SLIT2: variants seen among roughly 807,000 people sequenced by gnomAD.
The protein encoded by SLIT2 is slit homolog 2 protein.
SLIT2 carries 41 observed loss-of-function variants against 185.7 expected under a neutral mutation model. That is an observed-to-expected ratio of 0.22 (90% CI 0.17 to 0.29). SLIT2 has a LOEUF of 0.29. Among genes scored for constraint, SLIT2 ranks in the 10% least tolerant of loss-of-function variants. The pLI is 1.00. For missense variants in SLIT2, 1,571 were observed against 1,909.0 expected (o/e 0.82, Z 3.30); for synonymous variants, 693 against 680.2 (o/e 1.02, Z -0.29).
At chr4:20,357,890 A>T (rs1353229417) in intron 4 of SLIT2, among the ~76,000 whole-genome samples, 1 of 152,118 alleles carries the variant, frequency 6.6e-6, no homozygotes, top group African/African-American at 2.4e-5. Context: ...TGGTTATTAG[A>T]TTTTAAAGTT....
chr4:20,394,229 A>G (rs868852406), intron 4 of SLIT2, among the ~76,000 whole-genome samples: 3 of 152,040 alleles, frequency 2.0e-5, no homozygotes, highest in South Asian at 2.1e-4. Flanking sequence ...TTGAAAATAT[A>G]TAACTACTAA....
At chr4:20,381,732 T>C (rs1054558920) in intron 4 of SLIT2, among the ~76,000 whole-genome samples, 2 of 152,128 alleles carry the variant, frequency 1.3e-5, no homozygotes, top group Non-Finnish European at 2.9e-5. Context: ...TATGTCTTCA[T>C]TGGTGAATTC....
chr4:20,371,251 A>G (rs1270583343), intron 4 of SLIT2, among the ~76,000 whole-genome samples: 1 of 151,982 alleles, frequency 6.6e-6, no homozygotes, highest in Non-Finnish European at 1.5e-5. Context: ...GTTCTCACAC[A>G]GTCACTCATA....
intron 4 of SLIT2, among the ~76,000 whole-genome samples, chr4:20,381,317 G>T (rs942895545): frequency 3.3e-5 from 5 of 151,896 alleles, no homozygotes; most frequent in Admixed American, 2.6e-4. Flanking sequence ...TTAAAAGCAG[G>T]CAGAGAAATC....
chr4:20,617,544 C>T lies in SLIT2; in HGVS notation c.4242C>T (p.Asn1414=). The change falls in exon 36 of 37, where the codon AAC becomes AAT. Residue 1414 remains asparagine, a synonymous_variant. Coordinates refer to ENST00000504154, the MANE Select transcript of SLIT2 (RefSeq NM_004787.4). ...GTGATGAAGAGGAGGATCTGTTTAA[C>T]CCATGCCAGGCGATCAAGTGCAAGC... ...VLCDEEEDLF[N]PCQAIKCKHG... is the part of the protein sequence containing the mutation. The T allele has an allele frequency of 1.9e-6, 3 of 1,614,012 alleles. No homozygotes were observed. The highest frequency in any genetic ancestry group is 2.5e-6 in the Non-Finnish European group (3 of 1,179,986).
chr4:20,588,718 T>G (rs549152490), intron 29 of SLIT2, among the ~76,000 whole-genome samples: 1 of 152,334 alleles, frequency 6.6e-6, no homozygotes, highest in African/African-American at 2.4e-5. Context: ...CTAATGTATG[T>G]GAAATAATAA....
intron 4 of SLIT2, among the ~76,000 whole-genome samples, chr4:20,430,050 A>G (rs1728853456): frequency 6.6e-6 from 1 of 152,252 alleles, no homozygotes; most frequent in African/African-American, 2.4e-5. Context: ...TTACAATTGT[A>G]TAGAACATAA....
At chr4:20,525,210 C>G in intron 15 of SLIT2, 38 bp downstream of exon 15, 1 of 1,435,758 alleles carries the variant, frequency 7.0e-7, no homozygotes. Flanking sequence ...CTACAGACAC[C>G]CTTTCCTCAC....
chr4:20,397,029 T>C (rs533136057), intron 4 of SLIT2, among the ~76,000 whole-genome samples: 54 of 151,710 alleles, frequency 3.6e-4, no homozygotes, highest in South Asian at 6.2e-4. Context: ...TAATTATATA[T>C]TACTCTTTGT....
At chr4:20,603,236 C>G (rs927877926) in intron 33 of SLIT2, among the ~76,000 whole-genome samples, 7 of 152,194 alleles carry the variant, frequency 4.6e-5, no homozygotes, top group South Asian at 2.1e-4. Flanking sequence ...AAAACCATCA[C>G]ATCTCGTGAG....
intron 4 of SLIT2, among the ~76,000 whole-genome samples, chr4:20,377,775 G>C (rs6851454): frequency 0.22 from 32,733 of 152,104 alleles, 3,815 homozygotes; most frequent in Non-Finnish European, 0.28. Context: ...GGAGGTAGTT[G>C]GTTTCTCAGA....
chr4:20,468,422 A>T (rs1447836055), intron 5 of SLIT2, among the ~76,000 whole-genome samples: 2 of 152,076 alleles, frequency 1.3e-5, no homozygotes, highest in African/African-American at 2.4e-5. Context: ...TATTTCTTAC[A>T]CTTTCCCTCA....
At chr4:20,402,873 T>C (rs954870695) in intron 4 of SLIT2, among the ~76,000 whole-genome samples, 1 of 151,838 alleles carries the variant, frequency 6.6e-6, no homozygotes, top group Non-Finnish European at 1.5e-5. Flanking sequence ...AAGTACTTTA[T>C]AAGCTTTAAA....
At chr4:20,350,987 A>C (rs1043567794) in intron 4 of SLIT2, among the ~76,000 whole-genome samples, 1 of 152,250 alleles carries the variant, frequency 6.6e-6, no homozygotes, top group East Asian at 1.9e-4. Flanking sequence ...TGTTCACAGT[A>C]GATCTGGAAC....
intron 7 of SLIT2, among the ~76,000 whole-genome samples, chr4:20,487,700 T>A (rs1717375986): frequency 6.6e-6 from 1 of 152,184 alleles, no homozygotes; most frequent in African/African-American, 2.4e-5. Context: ...AGCTTTTTGT[T>A]CTGTGGTACG....
intron 4 of SLIT2, among the ~76,000 whole-genome samples, chr4:20,452,697 C>A (rs1027720842): frequency 6.6e-6 from 1 of 152,156 alleles, no homozygotes; most frequent in Non-Finnish European, 1.5e-5. Flanking sequence ...CAGCTTTCAG[C>A]CATTTCTTTG....
intron 4 of SLIT2, among the ~76,000 whole-genome samples, chr4:20,290,704 T>C (rs1269840975): frequency 6.6e-6 from 1 of 151,894 alleles, no homozygotes; most frequent in Non-Finnish European, 1.5e-5. Flanking sequence ...GCTTGGTAAA[T>C]ATGCGTTGAA....
At chr4:20,258,267 T>C (rs1368540957) in intron 3 of SLIT2, among the ~76,000 whole-genome samples, 1 of 151,838 alleles carries the variant, frequency 6.6e-6, no homozygotes, top group African/African-American at 2.4e-5. Flanking sequence ...AAGGTGGTAC[T>C]TTTATTTGCG....
chr4:20,503,401 T>A (rs895074487), intron 9 of SLIT2, among the ~76,000 whole-genome samples: 2 of 152,178 alleles, frequency 1.3e-5, no homozygotes, highest in Admixed American at 6.6e-5. Flanking sequence ...AGTGTCTAAT[T>A]CATAGTAAGT....
Sources: gnomAD v4.1 joint callset for allele counts (sites outside exome capture counted in the v4.1 genomes callset) on GRCh38, gnomAD v4.1.1 for gene constraint, MANE v1.5 for transcripts, NCBI Gene and HGNC (gene_info 2026-07-23, HGNC 2026-07-21) for gene names.